Variants in PRKG2 observed in about 807,000 individuals in gnomAD.
PRKG2 encodes cGMP-dependent protein kinase 2.
Under a neutral mutation model 97.2 loss-of-function variants are expected in PRKG2, and 33 were observed. The ratio of observed to expected loss-of-function variants is 0.34; its 90% CI spans 0.26 to 0.45. PRKG2 has a LOEUF of 0.45. PRKG2 is among the 20% of genes least tolerant of loss of function. The pLI is 1.00. For missense variants in PRKG2, 638 were observed against 900.0 expected (o/e 0.71, Z 3.73); for synonymous variants, 330 against 321.8 (o/e 1.03, Z -0.27).
At chr4:81,188,799 C>T (rs1237180555) in intron 2 of PRKG2, among the ~76,000 whole-genome samples, 2 of 99,988 alleles carry the variant, frequency 2.0e-5, no homozygotes, top group Non-Finnish European at 3.3e-5. Flanking sequence ...CGCATATTCT[C>T]ACTCATAGGT....
chr4:81,215,778 T>C (rs907369495), upstream of PRKG2, among the ~76,000 whole-genome samples: 2 of 151,420 alleles, frequency 1.3e-5, no homozygotes, highest in Non-Finnish European at 2.9e-5. Context: ...AGGGGTTGAA[T>C]CGAGTTTCGA....
Position 81,131,183 on chromosome 4 carries a change from C to T in PRKG2, c.1776+3972G>A, listed in dbSNP as rs944608514. On this transcript the variant is annotated intron_variant, in intron 14 of 18. Coordinates refer to ENST00000264399, the MANE Select transcript of PRKG2 (RefSeq NM_006259.3). ...ATGGGAAAAGCTTAGTATCTGGGGC[C>T]GGAATTCACCATTCCTCACAGCACA... 1.3e-4 allele frequency among the ~76,000 whole-genome samples: 19 copies of T among 151,966 alleles called. 1 individual carries two copies. The highest frequency in any genetic ancestry group is 4.6e-4 in the African/African-American group (19 of 41,270).
Position 81,204,992 on chromosome 4 carries a change from C to G in PRKG2, c.56G>C (p.Gly19Ala). The G allele has an allele frequency of 6.2e-7, 1 of 1,613,958 alleles. No homozygotes were observed. The change falls in exon 2 of 19, where the codon GGG becomes GCG. Residue 19 changes from glycine (G) to alanine (A), a missense_variant. Physicochemically the swap from Gly to Ala is moderately conservative, Grantham distance 60. Around this residue, in one of 3 missense-constraint regions of PRKG2, gnomAD observed 332 missense variants for 421.7 expected, o/e 0.79. Coordinates refer to ENST00000264399, the MANE Select transcript of PRKG2 (RefSeq NM_006259.3). ...KHSKHPDGHS[G>A]NLTTDALRNK... ...CCGCAGAGCATCAGTGGTGAGGTTCCCAGAGTGTCCATCTGGGTGCTTAGA... is the reference window on the plus strand; with the variant it reads ...CCGCAGAGCATCAGTGGTGAGGTTCGCAGAGTGTCCATCTGGGTGCTTAGA...
intron 14 of PRKG2, among the ~76,000 whole-genome samples, chr4:81,117,398 C>T (rs1460570147): frequency 6.6e-6 from 1 of 152,024 alleles, no homozygotes; most frequent in East Asian, 1.9e-4. Flanking sequence ...ATTGGGACCT[C>T]CTGTAAAATA....
At chr4:81,143,854 G>C (rs1289187356) in intron 10 of PRKG2, among the ~76,000 whole-genome samples, 1 of 152,024 alleles carries the variant, frequency 6.6e-6, no homozygotes, top group African/African-American at 2.4e-5. Context: ...ATATCCCTGG[G>C]CAATAGATTC....
intron 18 of PRKG2, among the ~76,000 whole-genome samples, chr4:81,090,275 T>C (rs985089174): frequency 7.2e-5 from 11 of 152,098 alleles, no homozygotes; most frequent in African/African-American, 2.4e-4. Context: ...GGAGAATCAC[T>C]TGAACCTGAG....
At position 81,163,583 on chromosome 4, in the gene PRKG2, C is replaced by T. The variant is rs10028912; in HGVS notation, c.912+3578G>A. On this transcript the variant is annotated intron_variant, in intron 6 of 18. Transcript: ENST00000264399. ...TGTTCCTCTAAATTGGTTTCATAAC[C>T]TGGTAATGAGTTGTAGCCCATTTTT... Among the ~76,000 whole-genome samples, 534 of 152,080 alleles carry T rather than the reference C, an allele frequency of 3.5e-3. 2 individuals carry two copies. Among genetic ancestry groups the T allele is most frequent in the South Asian group, 0.022 (105 of 4,812 alleles).
At chr4:81,171,910 T>C (rs1750514028) in intron 3 of PRKG2, 106 bp from the exon 4 acceptor site, 1 of 704,334 alleles carries the variant, frequency 1.4e-6, no homozygotes, top group Admixed American at 3.4e-5. Context: ...AGTATACAGG[T>C]AAGATATTTT....
intron 9 of PRKG2, among the ~76,000 whole-genome samples, chr4:81,144,594 T>TTATATATA (rs61559089): frequency 2.3e-5 from 3 of 131,328 alleles, no homozygotes; most frequent in African/African-American, 1.1e-4. Flanking sequence ...GTATTTAAGG[T>TTATATATA]TATATATATA....
intron 1 of PRKG2, among the ~76,000 whole-genome samples, chr4:81,213,225 T>C (rs374189241): frequency 1.1e-4 from 16 of 152,282 alleles, no homozygotes; most frequent in African/African-American, 3.4e-4. Context: ...GATTGCTCCA[T>C]AGAAGACTTG....
intron 9 of PRKG2, among the ~76,000 whole-genome samples, chr4:81,146,588 G>T (rs1171993436): frequency 6.6e-6 from 1 of 152,132 alleles, no homozygotes; most frequent in East Asian, 1.9e-4. Flanking sequence ...GAAATAAAAA[G>T]TCATTGGCTT....
In PRKG2 at chr4:81,089,676, T is replaced by C; in HGVS notation, c.*32A>G. 2.1e-6 allele frequency: 3 copies of C among 1,460,790 alleles called. No homozygotes were observed. Among genetic ancestry groups the C allele is most frequent in the Non-Finnish European group, 2.9e-6 (3 of 1,043,332 alleles). 90.5% of individuals were successfully genotyped at this position (1,460,790 alleles called of 1,614,324 possible). On this transcript the variant is annotated 3_prime_UTR_variant, in exon 19 of 19. Transcript: ENST00000264399. Reference sequence around the variant, plus strand: ...TATTGATCCTTGAGGTCCTCTTCTGTAGAGTACAGGCAGTAATCAACTTTT... The same window carrying C: ...TATTGATCCTTGAGGTCCTCTTCTGCAGAGTACAGGCAGTAATCAACTTTT...
intron 15 of PRKG2, among the ~76,000 whole-genome samples, chr4:81,108,605 A>G (rs545335676): frequency 2.0e-4 from 30 of 152,132 alleles, no homozygotes; most frequent in Admixed American, 6.5e-4. Context: ...TTACAAAAAC[A>G]GTTTCTTGGC....
chr4:81,120,024 A>C (rs1185943466), intron 14 of PRKG2, among the ~76,000 whole-genome samples: 2 of 152,058 alleles, frequency 1.3e-5, no homozygotes, highest in African/African-American at 2.4e-5. Context: ...CCTGAGAAGG[A>C]CTCCATATTT....
chr4:81,132,056 T>C (rs754128377), intron 14 of PRKG2, among the ~76,000 whole-genome samples: 2 of 152,108 alleles, frequency 1.3e-5, no homozygotes, highest in Non-Finnish European at 2.9e-5. Flanking sequence ...TCCATGAATA[T>C]AGTATATCTT....
intron 6 of PRKG2, among the ~76,000 whole-genome samples, chr4:81,161,207 T>G (rs1345494075): frequency 6.6e-6 from 1 of 152,208 alleles, no homozygotes; most frequent in Non-Finnish European, 1.5e-5. Context: ...ATAAGATATG[T>G]CAATATCTCA....
chr4:81,157,595 C>T (rs944001870), intron 6 of PRKG2, among the ~76,000 whole-genome samples: 3 of 152,138 alleles, frequency 2.0e-5, no homozygotes, highest in Non-Finnish European at 4.4e-5. Flanking sequence ...CCAGCATCAT[C>T]CTGATACCAA....
At chr4:81,159,267 A>C (rs1749397144) in intron 6 of PRKG2, among the ~76,000 whole-genome samples, 1 of 152,172 alleles carries the variant, frequency 6.6e-6, no homozygotes, top group Admixed American at 6.5e-5. Flanking sequence ...TTTACAAGAA[A>C]AAAAAACAAC....
intron 2 of PRKG2, among the ~76,000 whole-genome samples, chr4:81,186,630 A>G (rs1040877258): frequency 6.6e-6 from 1 of 152,188 alleles, no homozygotes; most frequent in African/African-American, 2.4e-5. Context: ...ATCAGAACAG[A>G]ACTGAAGGAG....
Sources: gnomAD v4.1 joint callset for allele counts (sites outside exome capture counted in the v4.1 genomes callset) on GRCh38, gnomAD v4.1.1 for gene constraint, gnomAD v4.1.1 regional missense constraint, MANE v1.5 for transcripts, NCBI Gene and HGNC (gene_info 2026-07-23, HGNC 2026-07-21) for gene names.